Variants in ADCY2 observed in about 807,000 individuals in gnomAD.
ADCY2 encodes adenylate cyclase 2.
ADCY2 carries 31 observed loss-of-function variants against 125.2 expected under a neutral mutation model. The ratio of observed to expected loss-of-function variants is 0.25; its 90% CI spans 0.19 to 0.33. ADCY2 has a LOEUF of 0.33. Among genes scored for constraint, ADCY2 ranks in the 10% least tolerant of loss-of-function variants. The pLI is 1.00. For missense variants in ADCY2, 904 were observed against 1,418.2 expected (o/e 0.64, Z 5.82); for synonymous variants, 512 against 548.4 (o/e 0.93, Z 0.93).
chr5:7,618,766 T>C (rs773554230), intron 3 of ADCY2, among the ~76,000 whole-genome samples: 2 of 152,212 alleles, frequency 1.3e-5, no homozygotes, highest in Non-Finnish European at 2.9e-5. Flanking sequence ...AAATTTATTT[T>C]TTAAGCATTT....
chr5:7,505,964 A>AT (rs551462663), intron 2 of ADCY2, among the ~76,000 whole-genome samples: 200 of 146,670 alleles, frequency 1.4e-3, no homozygotes, highest in East Asian at 1.4e-3. Context: ...ATAACATTTT[A>AT]TTTTTTTTTT....
At chr5:7,483,360 G>A (rs1293784342) in intron 2 of ADCY2, among the ~76,000 whole-genome samples, 1 of 151,804 alleles carries the variant, frequency 6.6e-6, no homozygotes, top group Non-Finnish European at 1.5e-5. Context: ...TTGCAGGTTA[G>A]GTAATCCTTC....
chr5:7,771,502 G>C (rs1743556822), intron 17 of ADCY2, among the ~76,000 whole-genome samples: 1 of 152,150 alleles, frequency 6.6e-6, no homozygotes. Context: ...CCAGTGCGAG[G>C]TGTTGGTCTT....
intron 4 of ADCY2, among the ~76,000 whole-genome samples, chr5:7,679,789 C>T (rs1740268283): frequency 6.6e-6 from 1 of 152,222 alleles, no homozygotes; most frequent in South Asian, 2.1e-4. Context: ...TTTGAGTTCT[C>T]TGCATGTGAC....
intron 2 of ADCY2, 121 bp from the exon 3 acceptor site, chr5:7,520,617 A>G: frequency 9.2e-7 from 1 of 1,084,630 alleles, no homozygotes; most frequent in East Asian, 2.4e-5. Flanking sequence ...TTGTCTATAG[A>G]TTATTTCTAA....
intron 5 of ADCY2, chr5:7,692,395 T>C (rs1462365280): frequency 6.6e-6 from 1 of 152,072 alleles, no homozygotes; most frequent in African/African-American, 2.4e-5. Context: ...AGAAACACAT[T>C]TGTGTATGAA....
intron 3 of ADCY2, among the ~76,000 whole-genome samples, chr5:7,584,115 TA>T (rs773230871): frequency 2.0e-5 from 3 of 152,106 alleles, no homozygotes; most frequent in Non-Finnish European, 2.9e-5. Context: ...CACATCTTTA[TA>T]GGGTTTTTCT....
chr5:7,692,456 T>G (rs1385225556), intron 5 of ADCY2, among the ~76,000 whole-genome samples: 1 of 152,206 alleles, frequency 6.6e-6, no homozygotes, highest in Non-Finnish European at 1.5e-5. Context: ...AAAAACTAAA[T>G]ACATTTAAAG....
chr5:7,589,895 G>A (rs532160465), intron 3 of ADCY2, among the ~76,000 whole-genome samples: 13 of 152,240 alleles, frequency 8.5e-5, no homozygotes, highest in East Asian at 3.9e-4. Context: ...AGTAAAGCCT[G>A]GGTTATGCAA....
chr5:7,578,870 G>A (rs954705040), intron 3 of ADCY2, among the ~76,000 whole-genome samples: 33 of 152,150 alleles, frequency 2.2e-4, no homozygotes, highest in African/African-American at 7.5e-4. Flanking sequence ...GTCCAAATAC[G>A]GTCCATCCTG....
At chr5:7,725,073 A>C (rs1174756299) in intron 13 of ADCY2, among the ~76,000 whole-genome samples, 1 of 152,174 alleles carries the variant, frequency 6.6e-6, no homozygotes, top group Non-Finnish European at 1.5e-5. Flanking sequence ...TGCATCCTTA[A>C]TACTTTCATA....
intron 2 of ADCY2, among the ~76,000 whole-genome samples, chr5:7,490,678 C>T (rs931627492): frequency 7.9e-5 from 12 of 152,044 alleles, no homozygotes; most frequent in African/African-American, 2.9e-4. Context: ...CACACACATG[C>T]ATGCACACAC....
intron 3 of ADCY2, among the ~76,000 whole-genome samples, chr5:7,625,621 C>T (rs1376479555): frequency 6.6e-6 from 1 of 152,116 alleles, no homozygotes; most frequent in Non-Finnish European, 1.5e-5. Flanking sequence ...AGGTGAATGT[C>T]ACTTATCCAG....
At chr5:7,563,953 C>T (rs1019988613) in intron 3 of ADCY2, among the ~76,000 whole-genome samples, 1 of 152,170 alleles carries the variant, frequency 6.6e-6, no homozygotes, top group African/African-American at 2.4e-5. Context: ...TCATAAGTAC[C>T]ATCCCAATCA....
intron 4 of ADCY2, among the ~76,000 whole-genome samples, chr5:7,689,975 C>G (rs554721623): frequency 1.6e-4 from 24 of 152,278 alleles, no homozygotes; most frequent in African/African-American, 4.8e-4. Flanking sequence ...GAAAATGCCA[C>G]TCTAACTAGA....
rs186444092 is a variant in ADCY2 at position 7,512,483 on chromosome 5, G to T, written c.409-8255G>T. 1.9e-3 allele frequency among the ~76,000 whole-genome samples: 283 copies of T among 152,168 alleles called. 1 individual carries two copies. The highest frequency in any genetic ancestry group is 6.4e-3 in the African/African-American group (265 of 41,516). ...GTAGGGATGGAAAGAATGAGGAAGA[G>T]AAAACTATTAAGAATAGTTCCTAGG... On this transcript the variant is annotated intron_variant, in intron 2 of 24. Transcript: ENST00000338316.
chr5:7,446,895 T>C (rs942340567), intron 2 of ADCY2, among the ~76,000 whole-genome samples: 1 of 152,226 alleles, frequency 6.6e-6, no homozygotes, highest in Non-Finnish European at 1.5e-5. Context: ...AATGTTCTTC[T>C]ACAATACCTC....
intron 3 of ADCY2, among the ~76,000 whole-genome samples, chr5:7,530,899 A>T (rs1180288437): frequency 6.6e-6 from 1 of 151,638 alleles, no homozygotes; most frequent in African/African-American, 2.4e-5. Context: ...CTCCTATTCA[A>T]CCCTCAGGAC....
intron 24 of ADCY2, among the ~76,000 whole-genome samples, chr5:7,826,233 AC>A (rs770264311): frequency 3.9e-5 from 6 of 152,298 alleles, no homozygotes; most frequent in Admixed American, 6.5e-5. Flanking sequence ...CCTCCCATCG[AC>A]ACTGACATCT....
Sources: gnomAD v4.1 joint callset for allele counts (sites outside exome capture counted in the v4.1 genomes callset) on GRCh38, gnomAD v4.1.1 for gene constraint, MANE v1.5 for transcripts, NCBI Gene and HGNC (gene_info 2026-07-23, HGNC 2026-07-21) for gene names.